The following ITGA8 variants were observed in gnomAD, a reference collection of about 807,000 sequenced individuals.
The protein encoded by ITGA8 is integrin alpha-8.
In ITGA8, 91 loss-of-function variants were observed where a neutral mutation model predicts 142.3. The observed-to-expected ratio is 0.64, with a 90% CI of 0.54 to 0.76. The LOEUF (loss-of-function observed/expected upper bound fraction) is 0.76. Ranked by LOEUF, ITGA8 falls within the 30% of genes least tolerant of loss-of-function variation. ITGA8 has a pLI of 0.00. For missense variants in ITGA8, 1,406 were observed against 1,327.7 expected, an observed-to-expected ratio of 1.06 and a Z score of -0.92; for synonymous variants, 505 against 485.2, an observed-to-expected ratio of 1.04 and a Z score of -0.54.
intron 27 of ITGA8, among the ~76,000 whole-genome samples, chr10:15,539,990 G>C (rs11815800): frequency 1.9e-3 from 289 of 152,114 alleles, no homozygotes; most frequent in African/African-American, 6.8e-3. Flanking sequence ...CTCTCTTGCC[G>C]CCATGTAAGA....
intron 26 of ITGA8, among the ~76,000 whole-genome samples, chr10:15,551,347 TAAG>T (rs1345069394): frequency 1.3e-5 from 2 of 151,928 alleles, no homozygotes; most frequent in South Asian, 4.2e-4. Flanking sequence ...TGAGAATTTC[TAAG>T]AAGAGACCAT....
At chr10:15,619,344 T>C (rs1833448444) in intron 13 of ITGA8, among the ~76,000 whole-genome samples, 1 of 152,204 alleles carries the variant, frequency 6.6e-6, no homozygotes, top group Admixed American at 6.5e-5. Flanking sequence ...CACTGTCAGA[T>C]GTCTTAGGTT....
At chr10:15,716,670 ATTT>A (rs796458374) in intron 2 of ITGA8, among the ~76,000 whole-genome samples, 7 of 135,082 alleles carry the variant, frequency 5.2e-5, no homozygotes, top group African/African-American at 1.9e-4. Context: ...AACCTATTGT[ATTT>A]TTTTTTTTTT....
intron 22 of ITGA8, among the ~76,000 whole-genome samples, chr10:15,590,633 GT>G (rs934061432): frequency 7.2e-5 from 11 of 151,996 alleles, no homozygotes; most frequent in African/African-American, 2.7e-4. Context: ...TGTTTTGTTT[GT>G]TTTTGTTTTT....
chr10:15,530,186 A>C (rs1263635207), intron 28 of ITGA8, among the ~76,000 whole-genome samples: 2 of 152,200 alleles, frequency 1.3e-5, no homozygotes, highest in East Asian at 3.9e-4. Flanking sequence ...CAGGTTGCAG[A>C]GGATGATCAG....
intron 27 of ITGA8, among the ~76,000 whole-genome samples, chr10:15,537,973 A>C: frequency 8.2e-6 from 1 of 122,510 alleles, no homozygotes; most frequent in South Asian, 2.2e-4. Flanking sequence ...AAACAAAACA[A>C]AAAAAAAACA....
At chr10:15,666,015 C>T (rs971966268) in intron 8 of ITGA8, among the ~76,000 whole-genome samples, 1 of 152,196 alleles carries the variant, frequency 6.6e-6, no homozygotes, top group African/African-American at 2.4e-5. Context: ...TTTTTGGTTC[C>T]ATACGAACTT....
Position 15,563,114 on chromosome 10 carries a change from G to A in ITGA8, c.2638-4912C>T, listed in dbSNP as rs1399175301. Among the ~76,000 whole-genome samples, 9 of 139,540 alleles carry A rather than the reference G, an allele frequency of 6.4e-5. No individual in the cohort carries two copies. In the East Asian group the frequency reaches 1.4e-3, roughly 22 times the overall value. The allele number at this position is 139,540 out of a possible 152,430, so 91.5% of individuals were successfully genotyped here. Reference sequence around the variant, plus strand: ...ATGTGAAGTGCCTGCTCCCCACTCTGTCTTCTGCTATGAGTAAAAGCTCCT... The same window carrying A: ...ATGTGAAGTGCCTGCTCCCCACTCTATCTTCTGCTATGAGTAAAAGCTCCT... On this transcript the variant is annotated intron_variant, in intron 25 of 29. Coordinates refer to ENST00000378076, the MANE Select transcript of ITGA8 (RefSeq NM_003638.3).
At chr10:15,625,076 A>G (rs1833557391) in intron 13 of ITGA8, among the ~76,000 whole-genome samples, 1 of 152,144 alleles carries the variant, frequency 6.6e-6, no homozygotes. Flanking sequence ...TTGAGGAAGA[A>G]ATGTTTGAAA....
intron 6 of ITGA8, among the ~76,000 whole-genome samples, chr10:15,676,318 A>G (rs1026387542): frequency 2.6e-5 from 4 of 152,188 alleles, no homozygotes; most frequent in African/African-American, 7.2e-5. Context: ...TAGAAGACGT[A>G]ATTTCCTCTC....
At chr10:15,661,283 T>C (rs1004059071) in intron 8 of ITGA8, among the ~76,000 whole-genome samples, 9 of 152,272 alleles carry the variant, frequency 5.9e-5, no homozygotes, top group African/African-American at 1.4e-4. Flanking sequence ...GGGATCTAGG[T>C]TGCACGCCTC....
At chr10:15,635,056 G>A (rs1833749973) in intron 13 of ITGA8, among the ~76,000 whole-genome samples, 1 of 142,854 alleles carries the variant, frequency 7.0e-6, no homozygotes, top group Non-Finnish European at 1.5e-5. Context: ...CACCAGGCTG[G>A]ACTGCAGTGG....
intron 13 of ITGA8, 112 bp downstream of exon 13, chr10:15,643,918 A>T: frequency 1.1e-6 from 1 of 891,290 alleles, no homozygotes; most frequent in Non-Finnish European, 1.7e-6. Flanking sequence ...TGGCATGCTT[A>T]AGCTTCAGCC....
chr10:15,695,179 G>A (rs1160194701), intron 2 of ITGA8, among the ~76,000 whole-genome samples: 1 of 152,070 alleles, frequency 6.6e-6, no homozygotes, highest in Admixed American at 6.6e-5. Flanking sequence ...TTTTTCTTCT[G>A]GACCAAGGGT....
chr10:15,627,012 C>T (rs910711819), intron 13 of ITGA8, among the ~76,000 whole-genome samples: 1 of 152,022 alleles, frequency 6.6e-6, no homozygotes, highest in Non-Finnish European at 1.5e-5. Flanking sequence ...TACTGGACAC[C>T]CTCATCTAAG....
chr10:15,542,151 T>C (rs1833581166), intron 27 of ITGA8, among the ~76,000 whole-genome samples: 1 of 152,236 alleles, frequency 6.6e-6, no homozygotes, highest in Non-Finnish European at 1.5e-5. Context: ...ACAAAGCTAT[T>C]ATTAAACACA....
chr10:15,715,822 C>T (rs542250440), intron 2 of ITGA8, among the ~76,000 whole-genome samples: 2 of 152,360 alleles, frequency 1.3e-5, no homozygotes, highest in African/African-American at 2.4e-5. Context: ...CACAGCATTG[C>T]ATCAAGTAGC....
At chr10:15,528,264 C>T (rs1270540309) in intron 28 of ITGA8, among the ~76,000 whole-genome samples, 2 of 152,072 alleles carry the variant, frequency 1.3e-5, no homozygotes, top group African/African-American at 4.8e-5. Flanking sequence ...AGAAGAATGG[C>T]AAAGCCTTTG....
At position 15,575,573 on chromosome 10, in the gene ITGA8, A is replaced by C. The variant is rs1327519865; in HGVS notation, c.2394T>G (p.Ile798Met). 1 of 1,613,730 alleles carries C rather than the reference A, an allele frequency of 6.2e-7. No individual in the cohort carries two copies. Among genetic ancestry groups the C allele is most frequent in the Non-Finnish European group, 8.5e-7 (1 of 1,179,800 alleles). ...EIRGVSHPPQIVLPIHNWEPE... is the reference protein window; with the variant it reads ...EIRGVSHPPQMVLPIHNWEPE... ...GTTCCCAGTTATGAATGGGCAGAACAATCTGCGGAGGGTGTGACACTCTGA... is the reference window on the plus strand; with the variant it reads ...GTTCCCAGTTATGAATGGGCAGAACCATCTGCGGAGGGTGTGACACTCTGA... The change falls in exon 24 of 30, where the codon ATT becomes ATG. Residue 798 changes from isoleucine to methionine, a missense_variant. By Grantham distance (10) the Ile-to-Met change is conservative. Coordinates refer to ENST00000378076, the MANE Select transcript of ITGA8 (RefSeq NM_003638.3).
Sources: allele counts gnomAD v4.1 joint callset (sites outside exome capture counted in the v4.1 genomes callset), GRCh38; gene constraint gnomAD v4.1.1; transcripts MANE v1.5; gene names NCBI Gene and HGNC (gene_info 2026-07-23, HGNC 2026-07-21).